CCL15: variants seen among roughly 807,000 people sequenced by gnomAD.
CCL15 encodes C-C motif chemokine 15.
Under a neutral mutation model 10.6 loss-of-function variants are expected in CCL15, and 8 were observed. The observed-to-expected ratio is 0.75, with a 90% CI of 0.44 to 1.36. The LOEUF (loss-of-function observed/expected upper bound fraction) is 1.36, where lower values mean the gene tolerates loss of function less well. Ranked by LOEUF, CCL15 falls within the 40% of genes most tolerant of loss-of-function variation. CCL15 has a pLI of 0.00. For missense variants in CCL15, 128 were observed against 136.6 expected, an observed-to-expected ratio of 0.94 and a Z score of 0.32; for synonymous variants, 51 against 48.8, an observed-to-expected ratio of 1.04 and a Z score of -0.19.
chr17:36,001,102 T>A (rs2089990191), intron 1 of CCL15, among the ~76,000 whole-genome samples: 1 of 152,198 alleles, frequency 6.6e-6, no homozygotes, highest in African/African-American at 2.4e-5. Context: ...ACCATAAAAT[T>A]GTATGATTCT....
In CCL15 at chr17:35,997,829, C is replaced by T. The variant is rs2089934389; in HGVS notation, c.280G>A (p.Ala94Thr). The T allele has an allele frequency of 6.2e-7, 1 of 1,613,996 alleles. No individual in the cohort carries two copies. The highest frequency in any genetic ancestry group is 1.3e-5 in the African/African-American group (1 of 75,006). ...FLTKKGRQVC[A>T]KPSGPGVQDC... ...TGAACTCCCGGACCACTGGGTTTGG[C>T]ACAGACTTGCCGCCCCTTCTTGGTG... The change falls in exon 4 of 4, where the codon GCC becomes ACC. Residue 94 changes from alanine to threonine, a missense_variant. Coordinates refer to ENST00000617897, the MANE Select transcript of CCL15 (RefSeq NM_032965.6).
At chr17:35,998,414 C>T in intron 2 of CCL15, 23 bp from the exon 3 acceptor site, 1 of 1,529,378 alleles carries the variant, frequency 6.5e-7, no homozygotes, top group Non-Finnish European at 9.1e-7. Flanking sequence ...AAAGCGTCAT[C>T]TGAGGGCAAA....
chr17:35,999,568 A>C (rs1413559221), intron 1 of CCL15, among the ~76,000 whole-genome samples: 1 of 151,114 alleles, frequency 6.6e-6, no homozygotes, highest in Non-Finnish European at 1.5e-5. Context: ...GGCTCAAGTG[A>C]TCCTCCTGCC....
intron 1 of CCL15, 84 bp from the exon 2 acceptor site, chr17:35,999,009 C>T (rs2089954266): frequency 8.9e-7 from 1 of 1,126,118 alleles, no homozygotes. Flanking sequence ...GCTCATCCTC[C>T]TCCTGAGGCA....
In CCL15 at chr17:35,998,409, G is replaced by A. The variant is rs370137661; in HGVS notation, c.137-18C>T. 214 of 1,544,130 alleles carry A rather than the reference G, an allele frequency of 1.4e-4. 1 individual carries two copies. Among genetic ancestry groups the A allele is most frequent in the Non-Finnish European group, 1.8e-4 (198 of 1,117,994 alleles). On this transcript the variant is annotated intron_variant, in intron 2 of 3. Coordinates refer to ENST00000617897, the MANE Select transcript of CCL15 (RefSeq NM_032965.6). ...GTGAAAGCCTGCAGCAAGAGAAAGC[G>A]TCATCTGAGGGCAAATCTTTCTCCT...
intron 3 of CCL15, 52 bp downstream of exon 3, chr17:35,998,228 A>G: frequency 8.1e-7 from 1 of 1,235,138 alleles, no homozygotes; most frequent in Non-Finnish European, 1.2e-6. Context: ...TCCCTGCAAG[A>G]TGCTGTGGGC....
chr17:35,999,014 G>T (rs1234508461), intron 1 of CCL15, 89 bp from the exon 2 acceptor site: 4 of 1,046,170 alleles, frequency 3.8e-6, no homozygotes, highest in Non-Finnish European at 5.9e-6. Flanking sequence ...TCCTCCTCCT[G>T]AGGCAGAGAG....
chr17:36,001,265 G>A (rs1321365545), intron 1 of CCL15, 152 bp downstream of exon 1: 1 of 978,418 alleles, frequency 1.0e-6, no homozygotes, highest in African/African-American at 1.6e-5. Flanking sequence ...GGGTCCAAAG[G>A]CTGCAGACAG....
At chr17:36,000,333 G>T (rs898089680) in intron 1 of CCL15, among the ~76,000 whole-genome samples, 1 of 151,214 alleles carries the variant, frequency 6.6e-6, no homozygotes, top group South Asian at 2.1e-4. Context: ...GCTTGGTGGC[G>T]CATGCCTTAA....
At chr17:35,998,172 C>A in intron 3 of CCL15, 108 bp downstream of exon 3, 1 of 718,946 alleles carries the variant, frequency 1.4e-6, no homozygotes, top group South Asian at 1.7e-5. Context: ...CTGTATCTGG[C>A]AGGATCCAGA....
At chr17:35,997,993 A>G in intron 3 of CCL15, 133 bp from the exon 4 acceptor site, 1 of 686,654 alleles carries the variant, frequency 1.5e-6, no homozygotes, top group Non-Finnish European at 2.6e-6. Flanking sequence ...ATGGCAGCTC[A>G]GGGACAGTGT....
chr17:36,000,217 T>G (rs572885432), intron 1 of CCL15, among the ~76,000 whole-genome samples: 4 of 149,384 alleles, frequency 2.7e-5, no homozygotes, highest in Non-Finnish European at 4.4e-5. Context: ...ATCCCAACAC[T>G]TTGGGAGGCC....
At chr17:35,998,813 C>A in intron 2 of CCL15, 53 bp downstream of exon 2, 1 of 1,365,012 alleles carries the variant, frequency 7.3e-7, no homozygotes. Flanking sequence ...TCCCATAGTG[C>A]AGACCTGCAC....
At chr17:35,999,610 C>A (rs951200107) in intron 1 of CCL15, among the ~76,000 whole-genome samples, 1 of 151,716 alleles carries the variant, frequency 6.6e-6, no homozygotes, top group Non-Finnish European at 1.5e-5. Context: ...ACTACAGGTG[C>A]GAGCCACAAT....
chr17:35,999,814 C>A (rs2089968287), intron 1 of CCL15, among the ~76,000 whole-genome samples: 1 of 151,978 alleles, frequency 6.6e-6, no homozygotes, highest in African/African-American at 2.4e-5. Flanking sequence ...TACATCTAGC[C>A]TGATAGGATT....
intron 1 of CCL15, among the ~76,000 whole-genome samples, chr17:36,000,565 A>G (rs771796858): frequency 8.5e-5 from 13 of 152,058 alleles, no homozygotes; most frequent in Non-Finnish European, 1.2e-4. Flanking sequence ...CCTTTCATAT[A>G]CAAATCAAAA....
At chr17:36,000,726 C>T (rs1175241959) in intron 1 of CCL15, among the ~76,000 whole-genome samples, 2 of 151,926 alleles carry the variant, frequency 1.3e-5, no homozygotes, top group Non-Finnish European at 2.9e-5. Flanking sequence ...TTCAGACTAC[C>T]CAGCCCTAAA....
rs773009756 is a variant in CCL15 at position 35,997,690 on chromosome 17, T to C, written c.*77A>G. On this transcript the variant is annotated 3_prime_UTR_variant, in exon 4 of 4. Transcript: ENST00000617897. Reference sequence around the variant, plus strand: ...ATTACCAGACACAACAATATATATATTTTTTAAGTATTTCAGACCAAGAAA... The same window carrying C: ...ATTACCAGACACAACAATATATATACTTTTTAAGTATTTCAGACCAAGAAA... 100 of 821,330 alleles carry C rather than the reference T, an allele frequency of 1.2e-4. No individual in the cohort carries two copies. Among genetic ancestry groups the C allele is most frequent in the Non-Finnish European group, 1.9e-4 (90 of 483,904 alleles). 50.9% of individuals were successfully genotyped at this position (821,330 alleles called of 1,614,324 possible).
intron 3 of CCL15, 57 bp from the exon 4 acceptor site, chr17:35,997,917 G>A: frequency 7.4e-7 from 1 of 1,353,780 alleles, no homozygotes; most frequent in South Asian, 1.2e-5. Context: ...TGGAGACAGG[G>A]GGCCCCATCC....
Sources: allele counts gnomAD v4.1 joint callset (sites outside exome capture counted in the v4.1 genomes callset), GRCh38; gene constraint gnomAD v4.1.1; transcripts MANE v1.5; gene names NCBI Gene and HGNC (gene_info 2026-07-23, HGNC 2026-07-21).